Variants in ITPRID1 observed in about 807,000 individuals in gnomAD.
ITPRID1 encodes ITPR interacting domain containing 1.
ITPRID1 carries 96 observed loss-of-function variants against 95.4 expected under a neutral mutation model. That is an observed-to-expected ratio of 1.01 (90% CI 0.85 to 1.19). The LOEUF (loss-of-function observed/expected upper bound fraction) is 1.19, where lower values mean the gene tolerates loss of function less well. ITPRID1 is among the 50% of genes most tolerant of loss of function. ITPRID1 has a pLI of 0.00. For missense variants in ITPRID1, 1,339 were observed against 1,252.9 expected (o/e 1.07, Z -1.04); for synonymous variants, 510 against 453.6 (o/e 1.12, Z -1.58).
In ITPRID1 at chr7:31,583,185, A is replaced by G; in HGVS notation, c.1222A>G (p.Thr408Ala). 2 of 1,607,932 alleles carry G rather than the reference A, an allele frequency of 1.2e-6. No individual in the cohort carries two copies. Among genetic ancestry groups the G allele is most frequent in the East Asian group, 4.5e-5 (2 of 44,826 alleles). Reference sequence around the variant, plus strand: ...TAATCCTCTTGACATGACTTCAGGAACTGTAGGTAAGAATTCATCAAGGTG... The same window carrying G: ...TAATCCTCTTGACATGACTTCAGGAGCTGTAGGTAAGAATTCATCAAGGTG... ...TGNPLDMTSG[T>A]VGARVDRANS... The change falls in exon 10 of 15, where the codon ACT becomes GCT. Residue 408 changes from threonine (T) to alanine (A), a missense_variant. By Grantham distance (58) the Thr-to-Ala change is moderately conservative (BLOSUM62 0). Transcript: ENST00000615280.
At chr7:31,558,229 C>A (rs967230788) in intron 5 of ITPRID1, among the ~76,000 whole-genome samples, 4 of 152,196 alleles carry the variant, frequency 2.6e-5, no homozygotes, top group African/African-American at 9.7e-5. Context: ...ACTTCCCAGC[C>A]TCCACAGTTG....
At chr7:31,548,985 T>A (rs1562561697) in intron 1 of ITPRID1, among the ~76,000 whole-genome samples, 1 of 152,082 alleles carries the variant, frequency 6.6e-6, no homozygotes, top group Non-Finnish European at 1.5e-5. Context: ...TGGACACTAT[T>A]TGAGATCTTA....
intron 5 of ITPRID1, among the ~76,000 whole-genome samples, chr7:31,568,123 A>G (rs76630835): frequency 2.9e-5 from 1 of 33,926 alleles, no homozygotes; most frequent in African/African-American, 1.7e-4. Context: ...GAACTGTCTG[A>G]AAAAAAAAAA....
rs1397697069 is a variant in ITPRID1 at position 31,652,032 on chromosome 7, C to T, written c.2805C>T (p.Ile935=). 12 of 1,600,272 alleles carry T rather than the reference C, an allele frequency of 7.5e-6. No individual in the cohort carries two copies. Among genetic ancestry groups the T allele is most frequent in the Non-Finnish European group, 1.0e-5 (12 of 1,173,492 alleles). ...EFQLGDRAQQ[I]REGILLQLEV... ...AGTTAGGAGACCGGGCTCAGCAAAT[C>T]AGAGAAGGGATTTTACTGGTATGGG... The change falls in exon 14 of 15, where the codon ATC becomes ATT. Residue 935 remains isoleucine, a synonymous_variant. Coordinates refer to ENST00000615280, the MANE Select transcript of ITPRID1 (RefSeq NM_001257967.3).
chr7:31,638,780 T>C (rs1789724973), intron 10 of ITPRID1, among the ~76,000 whole-genome samples: 1 of 152,032 alleles, frequency 6.6e-6, no homozygotes, highest in African/African-American at 2.4e-5. Context: ...TTGTTTTTCG[T>C]TTGTTTGTTT....
chr7:31,637,084 G>A (rs1789558877), intron 10 of ITPRID1, among the ~76,000 whole-genome samples: 2 of 152,060 alleles, frequency 1.3e-5, no homozygotes, highest in South Asian at 4.2e-4. Context: ...TTTTATGGCT[G>A]CATAGAATTC....
intron 10 of ITPRID1, among the ~76,000 whole-genome samples, chr7:31,606,414 C>T (rs891861966): frequency 4.0e-5 from 6 of 151,352 alleles, no homozygotes; most frequent in Non-Finnish European, 8.8e-5. Flanking sequence ...AAAGCCAAAT[C>T]CTTTGCTAAA....
At chr7:31,649,980 A>T (rs1790809123) in intron 12 of ITPRID1, among the ~76,000 whole-genome samples, 1 of 152,172 alleles carries the variant, frequency 6.6e-6, no homozygotes, top group Non-Finnish European at 1.5e-5. Flanking sequence ...GGCTCAGTAG[A>T]GTCAGAAAAG....
chr7:31,621,293 GA>G (rs199513145), intron 10 of ITPRID1, among the ~76,000 whole-genome samples: 71,048 of 134,874 alleles, frequency 0.53, 18,680 homozygotes, highest in East Asian at 0.8. Flanking sequence ...GCAACTCCAA[GA>G]CACATAATTG....
chr7:31,651,219 C>T lies in ITPRID1; in HGVS notation c.2661C>T (p.His887=), dbSNP rs766068461. 110 of 1,613,422 alleles carry T rather than the reference C, an allele frequency of 6.8e-5. No individual in the cohort carries two copies. Among genetic ancestry groups the T allele is most frequent in the Non-Finnish European group, 9.2e-5 (109 of 1,179,624 alleles). The change falls in exon 13 of 15, where the codon CAC becomes CAT. Residue 887 remains histidine (H), a synonymous_variant. Transcript: ENST00000615280. ...FREYLEEIEQ[H]LMGQQALFSR... Reference sequence around the variant, plus strand: ...AGTATTTAGAAGAAATTGAACAGCACCTTATGGGACAGCAGGCCCTCTTTT... The same window carrying T: ...AGTATTTAGAAGAAATTGAACAGCATCTTATGGGACAGCAGGCCCTCTTTT...
At chr7:31,591,985 T>C (rs1411973138) in intron 10 of ITPRID1, among the ~76,000 whole-genome samples, 1 of 152,118 alleles carries the variant, frequency 6.6e-6, no homozygotes, top group African/African-American at 2.4e-5. Context: ...AAAATTCAGA[T>C]AACTTACAAA....
intron 9 of ITPRID1, among the ~76,000 whole-genome samples, chr7:31,581,698 A>G (rs1785410362): frequency 6.6e-6 from 1 of 152,142 alleles, no homozygotes; most frequent in African/African-American, 2.4e-5. Flanking sequence ...CCTGGCTTTC[A>G]TTTTAAATTA....
At chr7:31,616,528 G>T (rs1238029420) in intron 10 of ITPRID1, among the ~76,000 whole-genome samples, 1 of 151,444 alleles carries the variant, frequency 6.6e-6, no homozygotes, top group East Asian at 1.9e-4. Flanking sequence ...GGAGAAGGAG[G>T]TCATCTGCCC....
intron 8 of ITPRID1, among the ~76,000 whole-genome samples, chr7:31,576,113 G>T (rs1785173213): frequency 6.6e-6 from 1 of 152,132 alleles, no homozygotes; most frequent in African/African-American, 2.4e-5. Flanking sequence ...TTGACATATG[G>T]ATTACAGAGA....
At chr7:31,589,246 A>G (rs900419490) in intron 10 of ITPRID1, among the ~76,000 whole-genome samples, 1 of 152,148 alleles carries the variant, frequency 6.6e-6, no homozygotes, top group Non-Finnish European at 1.5e-5. Context: ...GTGGATTTTA[A>G]TATATCTATA....
intron 12 of ITPRID1, among the ~76,000 whole-genome samples, chr7:31,650,234 T>A (rs768129583): frequency 6.6e-6 from 1 of 152,164 alleles, no homozygotes; most frequent in Non-Finnish European, 1.5e-5. Context: ...AGGGCCTATG[T>A]CAGGTGTTGG....
Position 31,652,944 on chromosome 7 carries a change from C to G in ITPRID1, c.*115C>G. Reference sequence around the variant, plus strand: ...TCTGCCAACCCATTGTCAGCTATATCTCTCATATTCTACCCTTTGGTTAAA... The same window carrying G: ...TCTGCCAACCCATTGTCAGCTATATGTCTCATATTCTACCCTTTGGTTAAA... On this transcript the variant is annotated 3_prime_UTR_variant, in exon 15 of 15. Transcript: ENST00000615280. The G allele has an allele frequency of 2.0e-6, 3 of 1,492,804 alleles. No homozygotes were observed. The highest frequency in any genetic ancestry group is 2.7e-6 in the Non-Finnish European group (3 of 1,123,366). 92.5% of individuals were successfully genotyped at this position (1,492,804 alleles called of 1,614,324 possible).
At chr7:31,648,877 C>T (rs1306386353) in intron 12 of ITPRID1, among the ~76,000 whole-genome samples, 6 of 152,166 alleles carry the variant, frequency 3.9e-5, no homozygotes, top group African/African-American at 9.7e-5. Context: ...GAGATGGGTT[C>T]GAAATCTTAC....
rs552593151 is a variant in ITPRID1, at chr7:31,575,895, T to A, written c.598+1153T>A. Among the ~76,000 whole-genome samples the A allele has an allele frequency of 5.3e-4, 80 of 151,728 alleles. 1 individual carries two copies. The highest frequency in any genetic ancestry group is 1.9e-3 in the African/African-American group (78 of 41,396). Reference sequence around the variant, plus strand: ...AACTTCAGGAATGATATTTTTTTTTTAAAAAGAGTATGTAAAGCTGAAGGT... The same window carrying A: ...AACTTCAGGAATGATATTTTTTTTTAAAAAAGAGTATGTAAAGCTGAAGGT... On this transcript the variant is annotated intron_variant, in intron 8 of 14. Coordinates refer to ENST00000615280, the MANE Select transcript of ITPRID1 (RefSeq NM_001257967.3).
Sources: gnomAD v4.1 joint callset for allele counts (sites outside exome capture counted in the v4.1 genomes callset) on GRCh38, gnomAD v4.1.1 for gene constraint, MANE v1.5 for transcripts, NCBI Gene and HGNC (gene_info 2026-07-23, HGNC 2026-07-21) for gene names.